Variants in ARHGEF18 observed in about 807,000 individuals in gnomAD.
ARHGEF18 encodes Rho/Rac guanine nucleotide exchange factor 18, also known as rho guanine nucleotide exchange factor 18.
ARHGEF18 carries 93 observed loss-of-function variants against 155.7 expected under a neutral mutation model. That is an observed-to-expected ratio of 0.60 (90% confidence interval 0.50 to 0.71). The LOEUF is 0.71. Among genes scored for constraint, ARHGEF18 ranks in the 30% least tolerant of loss-of-function variants. ARHGEF18 has a pLI of 0.00. For missense variants in ARHGEF18, 1,593 were observed against 1,816.1 expected (o/e 0.88, Z 2.23); for synonymous variants, 742 against 753.1 (o/e 0.99, Z 0.24).
rs754810842 is a variant in ARHGEF18, at chr19:7,467,068, C to T, written c.2962-3C>T. The T allele has an allele frequency of 6.2e-7, 1 of 1,609,190 alleles. No individual in the cohort carries two copies. The highest frequency in any genetic ancestry group is 1.3e-5 in the African/African-American group (1 of 75,002). ...AGCATCAATCTCCCTCTCCTCTCCG[C>T]AGCTTGTCCAGCGGATCCAGACACT... On this transcript the variant is annotated splice_polypyrimidine_tract_variant and splice_region_variant and intron_variant, in intron 24 of 28. Transcript: ENST00000668164.
intron 10 of ARHGEF18, among the ~76,000 whole-genome samples, chr19:7,425,978 CAA>C (rs1973639845): frequency 6.6e-6 from 1 of 151,860 alleles, no homozygotes; most frequent in Non-Finnish European, 1.5e-5. Context: ...CCAGCCTGGG[CAA>C]CAGAGTGAGA....
Position 7,378,838 on chromosome 19 carries a change from G to A in ARHGEF18, c.600-284G>A, listed in dbSNP as rs539410883. 7.9e-5 allele frequency among the ~76,000 whole-genome samples: 12 copies of A among 151,574 alleles called. No individual in the cohort carries two copies. In the South Asian group the frequency reaches 8.3e-4, roughly 11 times the overall value. On this transcript the variant is annotated intron_variant, in intron 6 of 28. Coordinates refer to ENST00000668164, the MANE Select transcript of ARHGEF18 (RefSeq NM_001367823.1). ...CTCCAGAGTAACTGGGACTACAGGC[G>A]CCCGCCACCACGCCCGGCTAATTTT...
chr19:7,402,254 A>T (rs539024020), intron 10 of ARHGEF18, among the ~76,000 whole-genome samples: 1 of 152,174 alleles, frequency 6.6e-6, no homozygotes, highest in East Asian at 1.9e-4. Flanking sequence ...CCCAATCTCT[A>T]CTAAAAATAC....
intron 14 of ARHGEF18, among the ~76,000 whole-genome samples, chr19:7,445,435 A>G (rs1324462646): frequency 3.3e-5 from 5 of 152,086 alleles, no homozygotes; most frequent in Non-Finnish European, 5.9e-5. Flanking sequence ...GCAGCAGAGT[A>G]AGACCCCAAT....
chr19:7,351,987 A>C (rs933614391), intron 1 of ARHGEF18, among the ~76,000 whole-genome samples: 1 of 151,806 alleles, frequency 6.6e-6, no homozygotes, highest in Non-Finnish European at 1.5e-5. Flanking sequence ...AAGCCACTGC[A>C]CCTGGCCTGT....
At chr19:7,378,063 A>G (rs554680919) in intron 5 of ARHGEF18, among the ~76,000 whole-genome samples, 1 of 152,282 alleles carries the variant, frequency 6.6e-6, no homozygotes, top group South Asian at 2.1e-4. Flanking sequence ...ATTGCACTCC[A>G]GCCAGGGTGA....
intron 3 of ARHGEF18, among the ~76,000 whole-genome samples, chr19:7,375,267 G>A (rs1418800394): frequency 1.2e-4 from 13 of 109,112 alleles, no homozygotes; most frequent in Non-Finnish European, 1.9e-4. Flanking sequence ...GTGAGACTCT[G>A]TCTCAAAAAA....
chr19:7,375,841 G>A lies in ARHGEF18; in HGVS notation c.397G>A (p.Gly133Ser). Residue 133 changes from glycine (G) to serine (S), a missense_variant, in exon 4 of 29, where the codon GGC becomes AGC. By Grantham distance (56) the Gly-to-Ser change is moderately conservative. Coordinates refer to ENST00000668164, the MANE Select transcript of ARHGEF18 (RefSeq NM_001367823.1). The stretch of plus-strand genomic sequence containing the variant: ...CTGGACTCAAGGGTGTCTCTCTGGG[G>A]GCGGGACCCCCGCAGAGAGCCCAGG... ...KTWTQGCLSG[G>S]GTPAESPGKE... is the part of the protein sequence containing the mutation. 1 of 1,234,488 alleles carries A rather than the reference G, an allele frequency of 8.1e-7. No individual in the cohort carries two copies. 76.5% of individuals were successfully genotyped at this position (1,234,488 alleles called of 1,614,324 possible). A position where few individuals can be genotyped will look rare whatever the true frequency, so the allele number is the denominator to read the frequency against.
intron 1 of ARHGEF18, among the ~76,000 whole-genome samples, chr19:7,362,097 GAA>G (rs1374466785): frequency 4.6e-5 from 1 of 21,736 alleles, no homozygotes; most frequent in African/African-American, 4.5e-4. Flanking sequence ...AGGAGAAGGA[GAA>G]GGAGAAGGAG....
intron 10 of ARHGEF18, among the ~76,000 whole-genome samples, chr19:7,403,925 C>T (rs1171620125): frequency 3.9e-5 from 6 of 152,182 alleles, no homozygotes; most frequent in Middle Eastern, 3.4e-3. Flanking sequence ...ATTAACCAGG[C>T]GTGGTGGCTG....
intron 10 of ARHGEF18, among the ~76,000 whole-genome samples, chr19:7,422,907 T>C (rs1973448395): frequency 6.6e-6 from 1 of 151,904 alleles, no homozygotes; most frequent in Non-Finnish European, 1.5e-5. Context: ...GTAGCAGAGA[T>C]GGGGTTTCAC....
At chr19:7,461,556 AGAAG>A in intron 20 of ARHGEF18, among the ~76,000 whole-genome samples, 1 of 152,298 alleles carries the variant, frequency 6.6e-6, no homozygotes, top group East Asian at 1.9e-4. Context: ...TCTCAAAAGA[AGAAG>A]GAAGGAAAGA....
At chr19:7,477,343 G>A (rs1381066497), downstream of ARHGEF18, 13 of 1,559,436 alleles carry the variant, frequency 8.3e-6, no homozygotes, top group South Asian at 3.5e-5. Context: ...GCCAGTGCAC[G>A]GCGTTGGCCA....
chr19:7,365,629 G>A (rs1868294581), intron 2 of ARHGEF18, among the ~76,000 whole-genome samples: 1 of 152,196 alleles, frequency 6.6e-6, no homozygotes, highest in Non-Finnish European at 1.5e-5. Flanking sequence ...GCAGGCCTGT[G>A]AGTAGGCAGC....
At chr19:7,419,926 C>T (rs890371757) in intron 10 of ARHGEF18, among the ~76,000 whole-genome samples, 1 of 148,436 alleles carries the variant, frequency 6.7e-6, no homozygotes, top group African/African-American at 2.6e-5. Context: ...CACCCACACT[C>T]GGCCTCTGTA....
chr19:7,418,397 C>A (rs1393736670), intron 10 of ARHGEF18, among the ~76,000 whole-genome samples: 1 of 152,052 alleles, frequency 6.6e-6, no homozygotes, highest in Non-Finnish European at 1.5e-5. Flanking sequence ...TAACTGGGAG[C>A]ACAGGCGTGC....
intron 3 of ARHGEF18, 35 bp from the exon 4 acceptor site, chr19:7,375,685 C>T: frequency 8.1e-7 from 1 of 1,233,928 alleles, no homozygotes; most frequent in Non-Finnish European, 1.0e-6. Context: ...TGGGCAAGAC[C>T]TGCTGAAGCC....
chr19:7,378,244 C>T (rs1459587633), intron 5 of ARHGEF18, 150 bp from the exon 6 acceptor site: 1 of 483,624 alleles, frequency 2.1e-6, no homozygotes, highest in East Asian at 3.5e-5. Flanking sequence ...CTGTCCTCTT[C>T]TCGTCTCTGT....
rs1437211599 is a variant in ARHGEF18 at position 7,440,896 on chromosome 19, C to A, written c.1106+414C>A. 6.6e-6 allele frequency among the ~76,000 whole-genome samples: 1 copy of A among 151,976 alleles called. No individual in the cohort carries two copies. The highest frequency in any genetic ancestry group is 1.5e-5 in the Non-Finnish European group (1 of 67,954). ...AGCGGTGTCCGGGTAGAAAGTGATG[C>A]TAGAAGCTGATATGTTTGTGGTGAC... On this transcript the variant is annotated intron_variant, in intron 11 of 28. Transcript: ENST00000668164. The surrounding 1 kb of genome is among the most constrained non-coding windows in gnomAD (Gnocchi z 5.4).
Sources: allele counts gnomAD v4.1 joint callset (sites outside exome capture counted in the v4.1 genomes callset), GRCh38; gene constraint gnomAD v4.1.1; non-coding constraint Gnocchi (gnomAD v3.1); transcripts MANE v1.5; gene names NCBI Gene and HGNC (gene_info 2026-07-23, HGNC 2026-07-21).